Variants in CSE1L observed in about 807,000 individuals in gnomAD.
CSE1L encodes the protein exportin-2.
A neutral mutation model predicts 120.4 loss-of-function variants in CSE1L; 24 were observed. That is an observed-to-expected ratio of 0.20 (90% CI 0.14 to 0.28). The LOEUF (loss-of-function observed/expected upper bound fraction) is 0.28, where lower values mean the gene tolerates loss of function less well. Among genes scored for constraint, CSE1L ranks in the 10% least tolerant of loss-of-function variants. The pLI is 1.00. For synonymous variants in CSE1L, 402 were observed against 398.3 expected (o/e 1.01, Z -0.11); for missense variants, 830 against 1,145.2 (o/e 0.72, Z 3.97).
intron 1 of CSE1L, among the ~76,000 whole-genome samples, chr20:49,057,122 T>C (rs990155247): frequency 5.3e-5 from 8 of 152,210 alleles, no homozygotes; most frequent in Admixed American, 3.3e-4. Context: ...GTCCAGGAGT[T>C]TGAGACCAGC....
intron 14 of CSE1L, among the ~76,000 whole-genome samples, chr20:49,082,441 GC>G (rs2145741339): frequency 6.6e-6 from 1 of 152,114 alleles, no homozygotes; most frequent in East Asian, 1.9e-4. Context: ...ACCACGCCTG[GC>G]CTAGGTTTTA....
chr20:49,072,782 C>T lies in CSE1L; in HGVS notation c.1066+85C>T, dbSNP rs557605863. On this transcript the variant is annotated intron_variant, in intron 10 of 24. Transcript: ENST00000262982. ...CATATTCAGTCTAATTCATTTATTACTGGATAAAACTTGTATGTCATTTAT... is the reference window on the plus strand; with the variant it reads ...CATATTCAGTCTAATTCATTTATTATTGGATAAAACTTGTATGTCATTTAT... 9.7e-6 allele frequency: 12 copies of T among 1,242,176 alleles called. No individual in the cohort carries two copies. In the African/African-American group the frequency reaches 1.4e-4, roughly 14 times the overall value. The allele number at this position is 1,242,176 out of a possible 1,614,324, so 76.9% of individuals were successfully genotyped here. A position where few individuals can be genotyped will look rare whatever the true frequency, so the allele number is the denominator to read the frequency against.
At chr20:49,060,614 A>G (rs1295034787) in intron 2 of CSE1L, among the ~76,000 whole-genome samples, 1 of 152,100 alleles carries the variant, frequency 6.6e-6, no homozygotes, top group Admixed American at 6.6e-5. Context: ...TGTCTTTACT[A>G]AAAATACAAA....
chr20:49,082,407 G>A (rs920028534), intron 14 of CSE1L, among the ~76,000 whole-genome samples: 1 of 152,068 alleles, frequency 6.6e-6, no homozygotes, highest in Non-Finnish European at 1.5e-5. Context: ...GCCTCCCAAA[G>A]TGCTGGGATT....
At chr20:49,047,502 A>G (rs1302396216) in intron 1 of CSE1L, among the ~76,000 whole-genome samples, 4 of 135,658 alleles carry the variant, frequency 2.9e-5, no homozygotes, top group African/African-American at 1.1e-4. Context: ...AGTTTCCCTC[A>G]CCTTAGGCCT....
intron 23 of CSE1L, 62 bp downstream of exon 23, chr20:49,094,348 T>G: frequency 6.8e-7 from 1 of 1,479,740 alleles, no homozygotes; most frequent in South Asian, 1.2e-5. Flanking sequence ...ACTGCAAAAT[T>G]AACAAAGCTT....
At chr20:49,079,713 T>C (rs1363569610) in intron 14 of CSE1L, among the ~76,000 whole-genome samples, 1 of 152,124 alleles carries the variant, frequency 6.6e-6, no homozygotes, top group Non-Finnish European at 1.5e-5. Context: ...GGAATCCTCA[T>C]ATATGAAAAG....
At chr20:49,067,341 A>G (rs1400742364) in intron 6 of CSE1L, 61 bp downstream of exon 6, 2 of 1,109,792 alleles carry the variant, frequency 1.8e-6, no homozygotes, top group East Asian at 5.0e-5. Context: ...GAATGTTTGT[A>G]TACATGTTAA....
chr20:49,075,548 C>T, intron 12 of CSE1L, 28 bp downstream of exon 12: 2 of 1,579,496 alleles, frequency 1.3e-6, no homozygotes, highest in Non-Finnish European at 1.7e-6. Flanking sequence ...GGTTTTGTTT[C>T]TAAAACAGAC....
chr20:49,074,724 C>T (rs2091957794), intron 10 of CSE1L, 61 bp from the exon 11 acceptor site: 1 of 1,412,118 alleles, frequency 7.1e-7, no homozygotes, highest in Non-Finnish European at 9.8e-7. Flanking sequence ...TCTGCATTCT[C>T]AGCTGTAAAG....
intron 2 of CSE1L, among the ~76,000 whole-genome samples, chr20:49,060,466 A>C (rs1305701452): frequency 7.1e-6 from 1 of 141,754 alleles, no homozygotes; most frequent in Non-Finnish European, 1.5e-5. Context: ...ACAGAGCAAG[A>C]CTCCGTCTCA....
intron 13 of CSE1L, among the ~76,000 whole-genome samples, chr20:49,077,448 C>T (rs1481095542): frequency 2.0e-5 from 3 of 152,162 alleles, no homozygotes; most frequent in African/African-American, 7.2e-5. Context: ...GCGTGAGCCT[C>T]CATGCCCTGC....
intron 13 of CSE1L, among the ~76,000 whole-genome samples, chr20:49,077,361 T>C (rs1218876306): frequency 6.6e-6 from 1 of 152,058 alleles, no homozygotes; most frequent in Non-Finnish European, 1.5e-5. Context: ...GGTTTCCCCA[T>C]GTTGGCCAGG....
Position 49,089,321 on chromosome 20 carries a change from T to C in CSE1L, c.1896T>C (p.Ala632=), listed in dbSNP as rs1330983729. 4 of 1,613,430 alleles carry C rather than the reference T, an allele frequency of 2.5e-6. No homozygotes were observed. The highest frequency in any genetic ancestry group is 1.3e-5 in the African/African-American group (1 of 74,902). The change falls in exon 18 of 25, where the codon GCT becomes GCC. Residue 632 remains alanine, a synonymous_variant. Coordinates refer to ENST00000262982, the MANE Select transcript of CSE1L (RefSeq NM_001316.4). ...TATCCATAAGAATAACTTGCAAAGC[T>C]AACCCTGCTGCTGTTGTAAATTTTG... The part of the protein sequence containing the change: ...ICLSIRITCK[A]NPAAVVNFEE...
intron 1 of CSE1L, among the ~76,000 whole-genome samples, chr20:49,055,684 A>T (rs1302426674): frequency 6.6e-6 from 1 of 152,176 alleles, no homozygotes; most frequent in Non-Finnish European, 1.5e-5. Flanking sequence ...ATGCCCCTGC[A>T]GTCCAACCTG....
intron 15 of CSE1L, 22 bp downstream of exon 15, chr20:49,084,184 T>G (rs1568783130): frequency 1.2e-6 from 2 of 1,612,800 alleles, no homozygotes; most frequent in Non-Finnish European, 8.5e-7. Flanking sequence ...ATTCTAAAGT[T>G]TTTTAGCCTG....
intron 10 of CSE1L, among the ~76,000 whole-genome samples, chr20:49,073,740 CCT>C (rs1375167454): frequency 1.3e-5 from 2 of 152,098 alleles, no homozygotes; most frequent in Admixed American, 1.3e-4. Context: ...TCTGCCTCAG[CCT>C]CTCAAAGTGC....
At chr20:49,078,864 T>A (rs1237251497) in intron 14 of CSE1L, among the ~76,000 whole-genome samples, 4 of 152,204 alleles carry the variant, frequency 2.6e-5, no homozygotes, top group Admixed American at 6.5e-5. Context: ...GTGTCTTAAG[T>A]CTCTTAATTT....
At chr20:49,083,363 C>A (rs1454754877) in intron 14 of CSE1L, among the ~76,000 whole-genome samples, 2 of 152,158 alleles carry the variant, frequency 1.3e-5, no homozygotes, top group African/African-American at 4.8e-5. Flanking sequence ...CTAAAGCGAT[C>A]CAGCTACCTC....
Sources: gnomAD v4.1 joint callset for allele counts (sites outside exome capture counted in the v4.1 genomes callset) on GRCh38, gnomAD v4.1.1 for gene constraint, MANE v1.5 for transcripts, NCBI Gene and HGNC (gene_info 2026-07-23, HGNC 2026-07-21) for gene names.